The following ODAD2 variants were observed in gnomAD, a reference collection of about 807,000 sequenced individuals.
ODAD2 encodes the protein outer dynein arm-docking complex subunit 2.
A neutral mutation model predicts 106.8 loss-of-function variants in ODAD2; 89 were observed. The observed-to-expected ratio is 0.83, with a 90% CI of 0.70 to 0.99. The LOEUF (loss-of-function observed/expected upper bound fraction) is 0.99. ODAD2 is among the 50% of genes least tolerant of loss of function. ODAD2 has a pLI of 0.00. For synonymous variants in ODAD2, 404 were observed against 436.2 expected (o/e 0.93, Z 0.92); for missense variants, 1,168 against 1,238.5 (o/e 0.94, Z 0.85).
At position 27,971,191 on chromosome 10, in the gene ODAD2, C is replaced by T; in HGVS notation, c.1059G>A (p.Lys353=). Reference sequence around the variant, plus strand: ...GATTCCTCCAAAAATTAATTTGGTTCTTCTCCAGTGACCTTTTGTCTGAAC... The same window carrying T: ...GATTCCTCCAAAAATTAATTTGGTTTTTCTCCAGTGACCTTTTGTCTGAAC... ...ISGSDKRSLE[K]NQINFWRNQM... is the part of the protein sequence containing the mutation. The change falls in exon 8 of 20, where the codon AAG becomes AAA. Residue 353 remains lysine, a synonymous_variant. Coordinates refer to ENST00000305242, the MANE Select transcript of ODAD2 (RefSeq NM_018076.5). 1 of 1,613,934 alleles carries T rather than the reference C, an allele frequency of 6.2e-7. No individual in the cohort carries two copies.
intron 16 of ODAD2, among the ~76,000 whole-genome samples, chr10:27,920,160 C>A (rs980394870): frequency 6.6e-6 from 1 of 151,870 alleles, no homozygotes; most frequent in Admixed American, 6.6e-5. Context: ...GACGGGCAGC[C>A]GGGAGGTTTA....
chr10:27,870,406 C>T (rs868519683), intron 17 of ODAD2, among the ~76,000 whole-genome samples: 55 of 152,082 alleles, frequency 3.6e-4, no homozygotes, highest in Middle Eastern at 6.8e-3. Context: ...GCTCAACATG[C>T]AGGTTTGTTA....
chr10:27,889,117 C>G (rs1842406560), intron 17 of ODAD2, among the ~76,000 whole-genome samples: 1 of 152,142 alleles, frequency 6.6e-6, no homozygotes, highest in Non-Finnish European at 1.5e-5. Context: ...TTCTTGAAAA[C>G]AGTTATACAA....
intron 4 of ODAD2, 42 bp from the exon 5 acceptor site, chr10:27,984,332 A>G (rs761439006): frequency 1.5e-6 from 2 of 1,311,676 alleles, no homozygotes; most frequent in Non-Finnish European, 2.2e-6. Context: ...TACTTTAAAC[A>G]GAATCTAGGA....
intron 16 of ODAD2, among the ~76,000 whole-genome samples, chr10:27,924,830 A>T (rs1331351295): frequency 6.6e-6 from 1 of 151,514 alleles, no homozygotes; most frequent in Non-Finnish European, 1.5e-5. Flanking sequence ...TAGAATAAAA[A>T]ACATAAATAG....
At chr10:27,827,377 CACTATATATA>C (rs1320780154) in intron 19 of ODAD2, among the ~76,000 whole-genome samples, 7 of 57,144 alleles carry the variant, frequency 1.2e-4, no homozygotes, top group Non-Finnish European at 1.0e-4. Flanking sequence ...CACACACACA[CACTATATATA>C]TATATATATA....
chr10:27,839,163 C>G (rs1286304812), intron 19 of ODAD2, among the ~76,000 whole-genome samples: 1 of 152,160 alleles, frequency 6.6e-6, no homozygotes, highest in Non-Finnish European at 1.5e-5. Flanking sequence ...ATAACTCTCC[C>G]GTCCAAAATC....
At chr10:27,934,272 G>A (rs1403849614) in intron 16 of ODAD2, among the ~76,000 whole-genome samples, 3 of 151,704 alleles carry the variant, frequency 2.0e-5, no homozygotes, top group African/African-American at 7.3e-5. Context: ...GGACTAATAC[G>A]CTTACCTCCC....
intron 10 of ODAD2, among the ~76,000 whole-genome samples, chr10:27,945,566 G>C (rs571804033): frequency 3.9e-5 from 6 of 152,136 alleles, no homozygotes; most frequent in Non-Finnish European, 5.9e-5. Flanking sequence ...TGAACGCAGA[G>C]TCTTGCAAAC....
At chr10:27,940,362 T>C (rs1013877314) in intron 13 of ODAD2, among the ~76,000 whole-genome samples, 2 of 151,748 alleles carry the variant, frequency 1.3e-5, no homozygotes, top group African/African-American at 4.8e-5. Context: ...ATGTGTGAGA[T>C]ATATATATAT....
intron 17 of ODAD2, among the ~76,000 whole-genome samples, chr10:27,894,250 A>G (rs964212693): frequency 6.6e-6 from 1 of 152,196 alleles, no homozygotes; most frequent in Non-Finnish European, 1.5e-5. Flanking sequence ...TTCATTGAAA[A>G]TGCTAAATTC....
chr10:27,984,291 C>G lies in ODAD2; in HGVS notation c.576-1G>C. The G allele has an allele frequency of 6.3e-7, 1 of 1,588,166 alleles. No homozygotes were observed. Among genetic ancestry groups the G allele is most frequent in the Non-Finnish European group, 8.6e-7 (1 of 1,157,150 alleles). ...CGTCATGGGACTTAAACTTATTTCT[C>G]TGAAATAAATGTTTAAAATGTCAGC... On this transcript the variant is annotated splice_acceptor_variant, in intron 4 of 19. Transcript: ENST00000305242. LOFTEE classifies it high-confidence loss of function.
At chr10:27,882,229 G>T (rs575298944) in intron 17 of ODAD2, among the ~76,000 whole-genome samples, 18 of 149,364 alleles carry the variant, frequency 1.2e-4, no homozygotes, top group South Asian at 4.3e-4. Flanking sequence ...AAGAAAGAAA[G>T]AAAGAAATAT....
intron 10 of ODAD2, among the ~76,000 whole-genome samples, chr10:27,955,628 T>A (rs1320686343): frequency 6.6e-6 from 1 of 151,704 alleles, no homozygotes; most frequent in East Asian, 1.9e-4. Context: ...GCAAAGTACA[T>A]CAAATTCCTA....
At chr10:27,975,877 T>C (rs940478483) in intron 7 of ODAD2, among the ~76,000 whole-genome samples, 2 of 152,256 alleles carry the variant, frequency 1.3e-5, no homozygotes, top group Admixed American at 1.3e-4. Context: ...CTAATAACTT[T>C]ATGAATATAG....
At chr10:27,888,957 C>T (rs939961268) in intron 17 of ODAD2, among the ~76,000 whole-genome samples, 4 of 152,134 alleles carry the variant, frequency 2.6e-5, no homozygotes, top group Admixed American at 6.6e-5. Flanking sequence ...AACTATAAAA[C>T]TTTTAGAAGA....
rs1395139185 is a variant in ODAD2 at position 27,929,975 on chromosome 10, C to T, written c.2495+5035G>A. On this transcript the variant is annotated intron_variant, in intron 16 of 19. Transcript: ENST00000305242. Reference sequence around the variant, plus strand: ...TTATATCTTTACTTAAGATCATATTCCATTGGTTCCAACCTCTTCTTGAGG... The same window carrying T: ...TTATATCTTTACTTAAGATCATATTTCATTGGTTCCAACCTCTTCTTGAGG... 3.3e-5 allele frequency among the ~76,000 whole-genome samples: 5 copies of T among 152,158 alleles called. No homozygotes were observed. In the East Asian group the frequency reaches 7.7e-4, roughly 24 times the overall value.
chr10:27,844,669 G>A (rs1838585778), intron 19 of ODAD2, among the ~76,000 whole-genome samples: 1 of 152,186 alleles, frequency 6.6e-6, no homozygotes, highest in Admixed American at 6.5e-5. Context: ...AGGTTATGGA[G>A]AAGATTGAAT....
At chr10:27,871,154 C>T (rs1194983935) in intron 17 of ODAD2, among the ~76,000 whole-genome samples, 1 of 152,048 alleles carries the variant, frequency 6.6e-6, no homozygotes, top group Non-Finnish European at 1.5e-5. Context: ...AAATGTCTTC[C>T]TTTGAGAAGT....
Sources: allele counts gnomAD v4.1 joint callset (sites outside exome capture counted in the v4.1 genomes callset), GRCh38; gene constraint gnomAD v4.1.1; transcripts MANE v1.5; gene names NCBI Gene and HGNC (gene_info 2026-07-23, HGNC 2026-07-21).